GPC5: variants seen among roughly 807,000 people sequenced by gnomAD.
GPC5 encodes glypican 5, also known as glypican-5.
GPC5 carries 47 observed loss-of-function variants against 53.9 expected under a neutral mutation model. The observed-to-expected ratio is 0.87, with a 90% confidence interval of 0.69 to 1.11. The LOEUF (loss-of-function observed/expected upper bound fraction) is 1.11, where lower values mean the gene tolerates loss of function less well. Ranked by LOEUF, GPC5 falls within the 50% of genes most tolerant of loss-of-function variation. The pLI, the probability that GPC5 is intolerant of heterozygous loss-of-function variation, is 0.00. For synonymous variants in GPC5, 286 were observed against 263.3 expected, an observed-to-expected ratio of 1.09 and a Z score of -0.84; for missense variants, 748 against 713.1, an observed-to-expected ratio of 1.05 and a Z score of -0.56.
intron 7 of GPC5, among the ~76,000 whole-genome samples, chr13:92,498,225 T>A (rs1256221429): frequency 6.6e-6 from 1 of 152,046 alleles, no homozygotes; most frequent in African/African-American, 2.4e-5. Flanking sequence ...TACAGTGGCA[T>A]GTTTCTGGGG....
At chr13:91,498,062 G>A (rs1250870509) in intron 2 of GPC5, among the ~76,000 whole-genome samples, 1 of 149,852 alleles carries the variant, frequency 6.7e-6, no homozygotes, top group Non-Finnish European at 1.5e-5. Context: ...CTCTTACCGT[G>A]GCCTCTAAGC....
intron 2 of GPC5, among the ~76,000 whole-genome samples, chr13:91,547,879 C>G (rs958416888): frequency 1.3e-5 from 2 of 152,052 alleles, no homozygotes; most frequent in Non-Finnish European, 2.9e-5. Flanking sequence ...ATTGTCATCT[C>G]AATAGATGCA....
chr13:91,518,539 T>C (rs1266413202), intron 2 of GPC5, among the ~76,000 whole-genome samples: 3 of 152,184 alleles, frequency 2.0e-5, no homozygotes, highest in Non-Finnish European at 2.9e-5. Flanking sequence ...ATGTACTAGA[T>C]GGAGAATTTC....
At chr13:92,285,074 C>A (rs1257962935) in intron 7 of GPC5, among the ~76,000 whole-genome samples, 1 of 152,120 alleles carries the variant, frequency 6.6e-6, no homozygotes, top group African/African-American at 2.4e-5. Context: ...GTGCAAAAAT[C>A]ACAAGCATTC....
At chr13:91,483,948 C>T (rs538125650) in intron 2 of GPC5, among the ~76,000 whole-genome samples, 1 of 152,246 alleles carries the variant, frequency 6.6e-6, no homozygotes, top group Admixed American at 6.5e-5. Context: ...CTATATCATA[C>T]CTTCCTGAAC....
intron 7 of GPC5, among the ~76,000 whole-genome samples, chr13:92,352,115 G>T (rs935114346): frequency 6.6e-6 from 1 of 152,116 alleles, no homozygotes; most frequent in Non-Finnish European, 1.5e-5. Context: ...AGAATGCTGA[G>T]AAACAGAACC....
chr13:91,444,939 C>T (rs78398683), intron 1 of GPC5, among the ~76,000 whole-genome samples: 6,572 of 152,306 alleles, frequency 0.043, 184 homozygotes, highest in South Asian at 0.13. Flanking sequence ...CCAAACCCAA[C>T]TGCTGTCAGT....
chr13:92,588,660 G>A (rs1257649571), intron 7 of GPC5, among the ~76,000 whole-genome samples: 1 of 152,142 alleles, frequency 6.6e-6, no homozygotes, highest in African/African-American at 2.4e-5. Context: ...TAATTCAGCA[G>A]TACAAGTCAT....
At chr13:91,955,207 T>C (rs1039856146) in intron 6 of GPC5, among the ~76,000 whole-genome samples, 1 of 152,190 alleles carries the variant, frequency 6.6e-6, no homozygotes, top group Non-Finnish European at 1.5e-5. Context: ...TCTATGTGTG[T>C]TTATGTATTT....
At chr13:91,660,124 T>C (rs2034950852) in intron 2 of GPC5, among the ~76,000 whole-genome samples, 1 of 152,200 alleles carries the variant, frequency 6.6e-6, no homozygotes, top group Non-Finnish European at 1.5e-5. Flanking sequence ...TTTGGGTTTG[T>C]CTAGCTGGCT....
At chr13:92,129,970 A>G (rs2041729743) in intron 6 of GPC5, among the ~76,000 whole-genome samples, 1 of 152,126 alleles carries the variant, frequency 6.6e-6, no homozygotes, top group South Asian at 2.1e-4. Context: ...CTTGCAAGAA[A>G]GTTAACAAAA....
chr13:92,722,797 G>A (rs1224189990), intron 7 of GPC5, among the ~76,000 whole-genome samples: 1 of 151,726 alleles, frequency 6.6e-6, no homozygotes, highest in Non-Finnish European at 1.5e-5. Flanking sequence ...CTAAACTCAA[G>A]AATGTCTTTT....
chr13:91,980,161 A>G (rs780842906), intron 6 of GPC5, among the ~76,000 whole-genome samples: 1 of 152,216 alleles, frequency 6.6e-6, no homozygotes, highest in Non-Finnish European at 1.5e-5. Flanking sequence ...CAGAGAAAAC[A>G]ATGTGCATTC....
intron 7 of GPC5, among the ~76,000 whole-genome samples, chr13:92,432,551 T>G (rs1282131454): frequency 1.3e-5 from 2 of 151,446 alleles, no homozygotes; most frequent in East Asian, 3.9e-4. Flanking sequence ...TTTTTTTTTT[T>G]TTTTAAATAG....
At chr13:92,862,569 G>C (rs1879214905) in intron 7 of GPC5, among the ~76,000 whole-genome samples, 1 of 151,884 alleles carries the variant, frequency 6.6e-6, no homozygotes, top group Non-Finnish European at 1.5e-5. Context: ...ATAGATATTT[G>C]ACTCGTCTAA....
intron 6 of GPC5, among the ~76,000 whole-genome samples, chr13:92,104,778 G>A (rs112384018): frequency 6.6e-6 from 1 of 152,018 alleles, no homozygotes; most frequent in Admixed American, 6.6e-5. Context: ...CCAGATCTTT[G>A]TGCCTCAGAG....
At chr13:92,246,858 T>C in intron 7 of GPC5, among the ~76,000 whole-genome samples, 1 of 152,194 alleles carries the variant, frequency 6.6e-6, no homozygotes, top group Non-Finnish European at 1.5e-5. Flanking sequence ...TAGTTAATTA[T>C]AAGAGATTGA....
intron 7 of GPC5, among the ~76,000 whole-genome samples, chr13:92,726,502 C>T (rs1029824809): frequency 6.6e-6 from 1 of 151,508 alleles, no homozygotes; most frequent in African/African-American, 2.4e-5. Flanking sequence ...AGTGATTCTG[C>T]CACCTCAGCT....
At chr13:92,057,316 C>T (rs370043256) in intron 6 of GPC5, among the ~76,000 whole-genome samples, 1 of 122,994 alleles carries the variant, frequency 8.1e-6, no homozygotes, top group Non-Finnish European at 1.8e-5. Flanking sequence ...AAAAAACAAA[C>T]AAAAAACACA....
Sources: allele counts gnomAD v4.1 joint callset (sites outside exome capture counted in the v4.1 genomes callset), GRCh38; gene constraint gnomAD v4.1.1; transcripts MANE v1.5; gene names NCBI Gene and HGNC (gene_info 2026-07-23, HGNC 2026-07-21).